Variants in TPM1 observed in about 807,000 individuals in gnomAD.
TPM1 encodes tropomyosin alpha-1 chain.
In TPM1, 24 loss-of-function variants were observed where a neutral mutation model predicts 42.9. The ratio of observed to expected loss-of-function variants is 0.56; its 90% CI spans 0.41 to 0.79. The LOEUF is 0.79. Ranked by LOEUF, TPM1 falls within the 30% of genes least tolerant of loss-of-function variation. The pLI is 0.00. For missense variants in TPM1, 158 were observed against 351.8 expected (o/e 0.45, Z 4.41); for synonymous variants, 136 against 130.1 (o/e 1.05, Z -0.31).
Position 63,066,015 on chromosome 15 carries a change from C to T in TPM1, c.*116C>T. On this transcript the variant is annotated 3_prime_UTR_variant, in exon 10 of 10. Coordinates refer to ENST00000403994, the MANE Select transcript of TPM1 (RefSeq NM_001018005.2). ...CTGGTTCTCTCTCTTAGCATCCTGC[C>T]TTAGAGCCAGGCACACACTGTGCTT... The T allele has an allele frequency of 6.4e-7, 1 of 1,554,940 alleles. No individual in the cohort carries two copies. Among genetic ancestry groups the T allele is most frequent in the Non-Finnish European group, 8.7e-7 (1 of 1,150,258 alleles).
At chr15:63,070,871 A>G, downstream of TPM1, 1 of 1,342,658 alleles carries the variant, frequency 7.4e-7, no homozygotes, top group East Asian at 3.1e-5. Flanking sequence ...GGTGCACCTG[A>G]CTGCTCTGTG....
intron 2 of TPM1, chr15:63,046,471 TACATTTTTCTACTATTATTACTAAAA>T (rs936905544): frequency 5.9e-5 from 9 of 152,240 alleles, no homozygotes; most frequent in African/African-American, 2.2e-4. Context: ...AAAACACTTT[TACATTTTTCTACTATTATTACTAAAA>T]ACATTTTTCT....
At chr15:63,069,381 C>T (rs2036473050), downstream of TPM1, among the ~76,000 whole-genome samples, 1 of 152,116 alleles carries the variant, frequency 6.6e-6, no homozygotes, top group African/African-American at 2.4e-5. Context: ...AGGGGAAAGC[C>T]TGCCCTGTGA....
rs759150466 is a variant in TPM1, at chr15:63,064,046, T to C, written c.773-18T>C. The C allele has an allele frequency of 1.9e-5, 31 of 1,613,572 alleles. No individual in the cohort carries two copies. The highest frequency in any genetic ancestry group is 2.4e-5 in the Non-Finnish European group (28 of 1,180,002). ...TCTCCATGTTCTTGCACCTCTGCCT[T>C]CCACTTCCTGGTCATAGACGAGCTG... On this transcript the variant is annotated intron_variant, in intron 8 of 9. Coordinates refer to ENST00000403994, the MANE Select transcript of TPM1 (RefSeq NM_001018005.2).
chr15:63,061,583 G>C, intron 5 of TPM1, 130 bp from the exon 6 acceptor site: 1 of 907,082 alleles, frequency 1.1e-6, no homozygotes, highest in South Asian at 1.3e-5. Context: ...AATACCTGAT[G>C]ATTTGGCTAC....
At chr15:63,056,873 C>T (rs1343308149) in intron 2 of TPM1, 112 bp from the exon 3 acceptor site, 1 of 1,451,766 alleles carries the variant, frequency 6.9e-7, no homozygotes, top group Non-Finnish European at 9.6e-7. Context: ...AAAGGTAGCT[C>T]ACCACAAGAC....
chr15:63,066,999 T>A (rs553240489), downstream of TPM1, among the ~76,000 whole-genome samples: 55 of 152,320 alleles, frequency 3.6e-4, no homozygotes, highest in African/African-American at 1.3e-3. Flanking sequence ...AGTGATTTTT[T>A]TAAAAAAATA....
At chr15:63,048,329 G>C (rs1221839236) in intron 2 of TPM1, 1 of 1,046,506 alleles carries the variant, frequency 9.6e-7, no homozygotes, top group Admixed American at 3.1e-5. Context: ...AGTGCCCCCA[G>C]CCAGTCCCGG....
intron 2 of TPM1, 87 bp downstream of exon 2, chr15:63,044,239 G>A: frequency 6.2e-7 from 1 of 1,605,250 alleles, no homozygotes; most frequent in South Asian, 1.1e-5. Flanking sequence ...AATGAAGGAA[G>A]TTTACCTTTT....
intron 2 of TPM1, chr15:63,048,432 C>G (rs995979260): frequency 3.0e-6 from 4 of 1,351,178 alleles, no homozygotes; most frequent in Admixed American, 4.0e-5. Flanking sequence ...TGCTCCTGGC[C>G]GCAGGGGGCG....
chr15:63,070,224 A>G (rs552724410), downstream of TPM1: 13 of 1,207,816 alleles, frequency 1.1e-5, no homozygotes, highest in South Asian at 2.1e-4. Flanking sequence ...GAACTGATAA[A>G]TAATGAGGAG....
rs57598555 is a variant in TPM1 at position 63,062,738 on chromosome 15, ACGC to A, written c.772+94_772+96del. The A allele has an allele frequency of 4.9e-4, 783 of 1,602,602 alleles. 4 individuals are homozygous for A. The African/African-American group carries it at 9.4e-3, about 19-fold the overall frequency. On this transcript the variant is annotated intron_variant, in intron 8 of 9. Coordinates refer to ENST00000403994, the MANE Select transcript of TPM1 (RefSeq NM_001018005.2). Reference sequence around the variant, plus strand: ...CCAATTCAAGGGCATCCACATTGATACGCTCCTTTGCACTTGCACATTCTTCCT... The same window carrying A: ...CCAATTCAAGGGCATCCACATTGATATCCTTTGCACTTGCACATTCTTCCT...
intron 2 of TPM1, among the ~76,000 whole-genome samples, chr15:63,053,085 G>A (rs563480713): frequency 4.6e-5 from 7 of 152,264 alleles, no homozygotes; most frequent in African/African-American, 1.7e-4. Context: ...AAACCTCTGG[G>A]GCAGTAGGCA....
intron 2 of TPM1, among the ~76,000 whole-genome samples, chr15:63,049,714 C>A (rs2140768247): frequency 6.6e-6 from 1 of 152,278 alleles, no homozygotes; most frequent in Middle Eastern, 3.4e-3. Flanking sequence ...ACAGAAACTT[C>A]AAGACCTGAA....
At position 63,060,800 on chromosome 15, in the gene TPM1, C is replaced by A. The variant is rs960748795; in HGVS notation, c.493-69C>A. The A allele has an allele frequency of 3.5e-5, 55 of 1,554,324 alleles. 1 individual carries two copies. The highest frequency in any genetic ancestry group is 4.4e-5 in the Non-Finnish European group (50 of 1,125,622). On this transcript the variant is annotated intron_variant, in intron 4 of 9. Coordinates refer to ENST00000403994, the MANE Select transcript of TPM1 (RefSeq NM_001018005.2). ...AGGGCCTGATGGGATCTGATCTCTA[C>A]CCCCATGCCCTTCTGTTACACAAAG...
chr15:63,069,907 C>A (rs776697819), downstream of TPM1: 6 of 1,614,132 alleles, frequency 3.7e-6, no homozygotes, highest in Admixed American at 1.0e-4. Context: ...ATCGCCGCCT[C>A]ACTAATGAAC....
exon 9 of TPM1, chr15:63,071,460 G>C (rs1333228892): frequency 1.5e-5 from 6 of 388,258 alleles, no homozygotes; most frequent in South Asian, 6.4e-5. Context: ...AGCAGAAGAA[G>C]TTCCATTCAA....
chr15:63,070,964 C>A, downstream of TPM1: 1 of 1,532,472 alleles, frequency 6.5e-7, no homozygotes, highest in South Asian at 1.2e-5. Flanking sequence ...TAATGTCTTA[C>A]AAGCATGCCT....
At chr15:63,046,512 C>G (rs1277602299) in intron 2 of TPM1, 1 of 152,178 alleles carries the variant, frequency 6.6e-6, no homozygotes, top group Non-Finnish European at 1.5e-5. Flanking sequence ...TTTTCTACTA[C>G]TTTACAAATC....
Sources: gnomAD v4.1 joint callset for allele counts (sites outside exome capture counted in the v4.1 genomes callset) on GRCh38, gnomAD v4.1.1 for gene constraint, MANE v1.5 for transcripts, NCBI Gene and HGNC (gene_info 2026-07-23, HGNC 2026-07-21) for gene names.